STARD7: variants seen among roughly 807,000 people sequenced by gnomAD.
STARD7 encodes the protein stAR-related lipid transfer protein 7, mitochondrial.
Under a neutral mutation model 45.3 loss-of-function variants are expected in STARD7, and 30 were observed. The ratio of observed to expected loss-of-function variants is 0.66; its 90% CI spans 0.50 to 0.90. The LOEUF is 0.90. Among genes scored for constraint, STARD7 ranks in the 40% least tolerant of loss-of-function variants. The probability of loss-of-function intolerance (pLI) is 0.00; values close to 1 mark genes in which losing one functional copy is unlikely to be tolerated. For missense variants in STARD7, 495 were observed against 491.3 expected (o/e 1.01, Z -0.07); for synonymous variants, 199 against 183.0 (o/e 1.09, Z -0.70).
chr2:96,197,085 A>G (rs539438063), intron 1 of STARD7, among the ~76,000 whole-genome samples: 1 of 136,970 alleles, frequency 7.3e-6, no homozygotes, highest in Non-Finnish European at 1.6e-5. Context: ...ATAAAATAAA[A>G]TAAAATAAAA....
chr2:96,197,764 C>CTGAT (rs1683246855), intron 1 of STARD7, among the ~76,000 whole-genome samples: 1 of 152,208 alleles, frequency 6.6e-6, no homozygotes, highest in South Asian at 2.1e-4. Context: ...TAGGCAGCCA[C>CTGAT]TAATCTACTT....
intron 1 of STARD7, among the ~76,000 whole-genome samples, 162 bp from the exon 2 acceptor site, chr2:96,195,711 T>A (rs1460136289): frequency 6.6e-6 from 1 of 152,154 alleles, no homozygotes; most frequent in Non-Finnish European, 1.5e-5. Context: ...TGAGTTTGAA[T>A]CTTAGTCCAA....
At chr2:96,206,617 G>C (rs866560046) in intron 1 of STARD7, among the ~76,000 whole-genome samples, 1 of 151,850 alleles carries the variant, frequency 6.6e-6, no homozygotes, top group East Asian at 1.9e-4. Flanking sequence ...TGGCTAACAC[G>C]GTGAAACCCC....
At chr2:96,206,164 T>C (rs1683385462) in intron 1 of STARD7, among the ~76,000 whole-genome samples, 1 of 152,174 alleles carries the variant, frequency 6.6e-6, no homozygotes, top group Admixed American at 6.5e-5. Flanking sequence ...ACTGACTAAC[T>C]CAAATGCTTA....
chr2:96,192,307 G>T, intron 6 of STARD7, 62 bp downstream of exon 6: 1 of 1,266,540 alleles, frequency 7.9e-7, no homozygotes, highest in Non-Finnish European at 1.2e-6. Context: ...GTTCAGGTAA[G>T]ACATCCCTTG....
Position 96,186,919 on chromosome 2 carries a change from CAGGAGACG to C in STARD7, c.929-13_929-6del. On this transcript the variant is annotated splice_polypyrimidine_tract_variant and splice_region_variant and intron_variant, in intron 7 of 7. Transcript: ENST00000337288. ...TCTCCAGGAAATCTGGCATGCCTGT[CAGGAGACG>C]AGAATCAGGTTAAGCTGACATACAA... 6.2e-7 allele frequency: 1 copy of C among 1,610,522 alleles called. No homozygotes were observed. The highest frequency in any genetic ancestry group is 1.7e-4 in the Middle Eastern group (1 of 6,036).
chr2:96,208,440 C>G lies in STARD7; in HGVS notation c.-6G>C. On this transcript the variant is annotated 5_prime_UTR_variant, in exon 1 of 8. Coordinates refer to ENST00000337288, the MANE Select transcript of STARD7 (RefSeq NM_020151.4). ...AGCAGCCTCCGCGGGAGCATGCCGC[C>G]TCCCGCAGGGCCCGCCGCGAGCTTC... The G allele has an allele frequency of 7.3e-7, 1 of 1,367,126 alleles. No homozygotes were observed. Among genetic ancestry groups the G allele is most frequent in the South Asian group, 1.8e-5 (1 of 56,518 alleles). 84.7% of individuals were successfully genotyped at this position (1,367,126 alleles called of 1,614,324 possible). A position where few individuals can be genotyped will look rare whatever the true frequency, so the allele number is the denominator to read the frequency against.
At chr2:96,199,277 T>C (rs1285129768) in intron 1 of STARD7, among the ~76,000 whole-genome samples, 2 of 152,202 alleles carry the variant, frequency 1.3e-5, no homozygotes, top group Non-Finnish European at 2.9e-5. Context: ...ATTGCCATCT[T>C]AGCAATATTA....
At chr2:96,202,352 C>T (rs1437057733) in intron 1 of STARD7, among the ~76,000 whole-genome samples, 1 of 152,160 alleles carries the variant, frequency 6.6e-6, no homozygotes, top group Non-Finnish European at 1.5e-5. Context: ...GTACCCTGGC[C>T]TTGTCAATAC....
chr2:96,193,269 C>T lies in STARD7; in HGVS notation c.633G>A (p.Glu211=), dbSNP rs1683153905. The T allele has an allele frequency of 2.5e-6, 4 of 1,613,678 alleles. No individual in the cohort carries two copies. The highest frequency in any genetic ancestry group is 3.4e-6 in the Non-Finnish European group (4 of 1,179,752). Residue 211 remains glutamate (E), a synonymous_variant, in exon 4 of 8, where the codon GAG becomes GAA. Coordinates refer to ENST00000337288, the MANE Select transcript of STARD7 (RefSeq NM_020151.4). Reference sequence around the variant, plus strand: ...GAAAATGGGTTACCCAGTGAAGAACCTCGGAACCACTAACCACATCCCTCT... The same window carrying T: ...GAAAATGGGTTACCCAGTGAAGAACTTCGGAACCACTAACCACATCCCTCT... ...VIERDVVSGS[E]VLHWVTHFPY... is the part of the protein sequence containing the mutation.
At chr2:96,199,167 T>A (rs1683269375) in intron 1 of STARD7, among the ~76,000 whole-genome samples, 1 of 152,236 alleles carries the variant, frequency 6.6e-6, no homozygotes, top group African/African-American at 2.4e-5. Flanking sequence ...TGAGTTCCTT[T>A]CATTTCCATA....
intron 1 of STARD7, among the ~76,000 whole-genome samples, chr2:96,203,011 T>C (rs1683331531): frequency 6.6e-6 from 1 of 152,234 alleles, no homozygotes; most frequent in Non-Finnish European, 1.5e-5. Context: ...CGGAAATGTC[T>C]TGTGGAGACA....
intron 1 of STARD7, among the ~76,000 whole-genome samples, chr2:96,200,085 T>C (rs1386534629): frequency 1.3e-5 from 2 of 152,138 alleles, no homozygotes; most frequent in East Asian, 3.8e-4. Context: ...CTGCGAAAAG[T>C]TGTGTGGTTT....
chr2:96,198,590 G>C (rs1166792710), intron 1 of STARD7, among the ~76,000 whole-genome samples: 1 of 152,186 alleles, frequency 6.6e-6, no homozygotes, highest in South Asian at 2.1e-4. Flanking sequence ...AGCCAACTTA[G>C]TGGGTGTGAA....
Position 96,195,553 on chromosome 2 carries a change from T to A in STARD7, c.291-4A>T, listed in dbSNP as rs1215811575. 1 of 1,610,388 alleles carries A rather than the reference T, an allele frequency of 6.2e-7. No individual in the cohort carries two copies. The highest frequency in any genetic ancestry group is 8.5e-7 in the Non-Finnish European group (1 of 1,177,774). On this transcript the variant is annotated splice_polypyrimidine_tract_variant and splice_region_variant and intron_variant, in intron 1 of 7. Transcript: ENST00000337288. ...CCGCTTCATCTCATTAATAGATCTG[T>A]AAAGGGGAAAAAGAGCCATGGTGAG...
Position 96,192,418 on chromosome 2 carries a change from C to T in STARD7, c.794G>A (p.Arg265Lys). ...VPESPEFVRV[R>K]SYESQMVIRP... ...GATAACCATTTGGGATTCATATGAT[C>T]TGACCCTGACGAATTCTGGAGACTC... Residue 265 changes from arginine (R) to lysine (K), a missense_variant, in exon 6 of 8, where the codon AGA becomes AAA. By Grantham distance (26) the Arg-to-Lys change is conservative. Coordinates refer to ENST00000337288, the MANE Select transcript of STARD7 (RefSeq NM_020151.4). 6.2e-7 allele frequency: 1 copy of T among 1,613,946 alleles called. No homozygotes were observed. The highest frequency in any genetic ancestry group is 8.5e-7 in the Non-Finnish European group (1 of 1,179,862).
intron 1 of STARD7, among the ~76,000 whole-genome samples, chr2:96,197,817 T>C (rs1683248300): frequency 6.6e-6 from 1 of 152,220 alleles, no homozygotes; most frequent in Admixed American, 6.5e-5. Context: ...TTCAAGTAAA[T>C]GGAATCATAT....
intron 6 of STARD7, among the ~76,000 whole-genome samples, chr2:96,189,293 C>G (rs994776528): frequency 6.6e-6 from 1 of 152,102 alleles, no homozygotes; most frequent in African/African-American, 2.4e-5. Context: ...AAACATTGCA[C>G]ACATATTGCT....
chr2:96,197,085 A>AACC (rs1558735827), intron 1 of STARD7, among the ~76,000 whole-genome samples: 2 of 136,970 alleles, frequency 1.5e-5, no homozygotes, highest in Non-Finnish European at 3.2e-5. Flanking sequence ...ATAAAATAAA[A>AACC]TAAAATAAAA....
Sources: gnomAD v4.1 joint callset for allele counts (sites outside exome capture counted in the v4.1 genomes callset) on GRCh38, gnomAD v4.1.1 for gene constraint, MANE v1.5 for transcripts, NCBI Gene and HGNC (gene_info 2026-07-23, HGNC 2026-07-21) for gene names.